Variants in KREMEN1 observed in about 807,000 individuals in gnomAD.
KREMEN1 encodes the protein kringle containing transmembrane protein 1.
Under a neutral mutation model 46.5 loss-of-function variants are expected in KREMEN1, and 30 were observed. The observed-to-expected ratio is 0.65, with a 90% CI of 0.48 to 0.88. The LOEUF (loss-of-function observed/expected upper bound fraction) is 0.88, where lower values mean the gene tolerates loss of function less well. KREMEN1 is among the 40% of genes least tolerant of loss of function. The pLI, the probability that KREMEN1 is intolerant of heterozygous loss-of-function variation, is 0.00. For missense variants in KREMEN1, 533 were observed against 596.9 expected (o/e 0.89, Z 1.11); for synonymous variants, 214 against 230.6 (o/e 0.93, Z 0.65).
chr22:29,094,193 C>G, intron 1 of KREMEN1, 65 bp from the exon 2 acceptor site: 1 of 1,408,252 alleles, frequency 7.1e-7, no homozygotes, highest in Non-Finnish European at 9.8e-7. Flanking sequence ...AAACATCAAC[C>G]AAAGAGGGAG....
intron 9 of KREMEN1, among the ~76,000 whole-genome samples, chr22:29,163,438 C>T (rs563516390): frequency 7.2e-5 from 11 of 152,192 alleles, no homozygotes; most frequent in Non-Finnish European, 1.6e-4. Flanking sequence ...AGTGCAGTGG[C>T]GCGAACTCGG....
intron 9 of KREMEN1, among the ~76,000 whole-genome samples, chr22:29,160,067 G>A (rs1409269453): frequency 2.6e-5 from 4 of 151,970 alleles, no homozygotes; most frequent in Non-Finnish European, 4.4e-5. Context: ...AGACATCTAT[G>A]GAAAACTCCA....
chr22:29,165,606 G>C (rs1343986147), intron 9 of KREMEN1, among the ~76,000 whole-genome samples: 1 of 152,182 alleles, frequency 6.6e-6, no homozygotes, highest in Non-Finnish European at 1.5e-5. Flanking sequence ...CAACAGGCTA[G>C]TAATAATTTT....
chr22:29,115,536 C>G (rs1210043626), intron 3 of KREMEN1, among the ~76,000 whole-genome samples: 1 of 152,180 alleles, frequency 6.6e-6, no homozygotes, highest in Non-Finnish European at 1.5e-5. Flanking sequence ...CCTAGAGCAC[C>G]TGCTTTGTGA....
chr22:29,144,145 G>A lies in KREMEN1; in HGVS notation c.*2033G>A, dbSNP rs2038815510. On this transcript the variant is annotated 3_prime_UTR_variant, in exon 9 of 9. Transcript: ENST00000400335. ...AGGCACTTGGGCCTGGGTGATTGTT[G>A]CGCCTCTGGCTTTGGCGTTTCCTCT... 1.2e-5 allele frequency: 12 copies of A among 985,458 alleles called. No individual in the cohort carries two copies. The highest frequency in any genetic ancestry group is 3.5e-5 in the African/African-American group (2 of 57,262). The allele number at this position is 985,458 out of a possible 1,614,324, so 61.0% of individuals were successfully genotyped here. A position where few individuals can be genotyped will look rare whatever the true frequency, so the allele number is the denominator to read the frequency against.
In KREMEN1 at chr22:29,073,140, C is replaced by A. The variant is rs2037496634; in HGVS notation, c.10C>A (p.Pro4Thr). Residue 4 changes from proline (P) to threonine (T), a missense_variant, in exon 1 of 9, where the codon CCA (proline) becomes ACA (threonine). Transcript: ENST00000400335. The surrounding 1 kb of genome is among the most constrained non-coding windows in gnomAD (Gnocchi z 4.4). ...CCCGCACTGACGGCCCATGGCGCCG[C>A]CAGCCGCCCGCCTCGCCCTGCTCTC... MAP[P>T]AARLALLSAA... 9.2e-7 allele frequency: 1 copy of A among 1,089,780 alleles called. No individual in the cohort carries two copies. The highest frequency in any genetic ancestry group is 1.1e-6 in the Non-Finnish European group (1 of 900,416). 67.5% of individuals were successfully genotyped at this position (1,089,780 alleles called of 1,614,324 possible). A position where few individuals can be genotyped will look rare whatever the true frequency, so the allele number is the denominator to read the frequency against.
chr22:29,159,301 T>G (rs1045318316), intron 9 of KREMEN1, among the ~76,000 whole-genome samples: 4 of 151,844 alleles, frequency 2.6e-5, no homozygotes, highest in Admixed American at 6.6e-5. Context: ...TGTTCTCAGG[T>G]GTAAACATTC....
chr22:29,114,486 CAAAAA>C (rs134685), intron 3 of KREMEN1, among the ~76,000 whole-genome samples: 2 of 88,052 alleles, frequency 2.3e-5, no homozygotes, highest in African/African-American at 4.9e-5. Flanking sequence ...AACTCCGTGT[CAAAAA>C]AAAAAAAAAA....
chr22:29,112,912 C>T (rs540494841), intron 3 of KREMEN1, among the ~76,000 whole-genome samples: 169 of 150,848 alleles, frequency 1.1e-3, no homozygotes, highest in Non-Finnish European at 6.2e-4. Flanking sequence ...GTGTCTTCTC[C>T]GACTAGACTT....
intron 3 of KREMEN1, among the ~76,000 whole-genome samples, chr22:29,110,315 A>G (rs1284309097): frequency 6.6e-6 from 1 of 152,236 alleles, no homozygotes; most frequent in Non-Finnish European, 1.5e-5. Flanking sequence ...GAAGCAGCAG[A>G]AGCTGCCATT....
chr22:29,167,684 G>A (rs530017400), exon 10 of KREMEN1: 2 of 152,322 alleles, frequency 1.3e-5, no homozygotes, highest in African/African-American at 4.8e-5. Context: ...GTCACCCAGA[G>A]ACCTCAAAAG....
chr22:29,079,534 G>T (rs2037622925), intron 1 of KREMEN1, among the ~76,000 whole-genome samples: 1 of 152,258 alleles, frequency 6.6e-6, no homozygotes, highest in Non-Finnish European at 1.5e-5. Context: ...GGAGGCTGCA[G>T]CTGCTTCCAA....
downstream of KREMEN1, among the ~76,000 whole-genome samples, chr22:29,150,942 A>G (rs2038910170): frequency 6.6e-6 from 1 of 152,172 alleles, no homozygotes; most frequent in South Asian, 2.1e-4. Context: ...ACTGGCTCCA[A>G]AGCTGGGGGT....
chr22:29,083,536 A>G (rs1269501125), intron 1 of KREMEN1, among the ~76,000 whole-genome samples: 3 of 152,230 alleles, frequency 2.0e-5, no homozygotes, highest in African/African-American at 4.8e-5. Flanking sequence ...ATCTTGCATA[A>G]GAAAGAATTC....
chr22:29,076,943 A>G (rs988750270), intron 1 of KREMEN1, among the ~76,000 whole-genome samples: 1 of 152,242 alleles, frequency 6.6e-6, no homozygotes, highest in Non-Finnish European at 1.5e-5. Flanking sequence ...TAGGCTCACT[A>G]CTCATAAACA....
rs914667989 is a variant in KREMEN1, at chr22:29,162,527, G to A, written c.1417-4517G>A. Reference sequence around the variant, plus strand: ...AGGTCAGGAGTTCAAGACCAGCCTGGCCAACATGGTGAAACCCCGTTTCCA... The same window carrying A: ...AGGTCAGGAGTTCAAGACCAGCCTGACCAACATGGTGAAACCCCGTTTCCA... On this transcript the variant is annotated intron_variant, in intron 9 of 9. Transcript: ENST00000327813. Among the ~76,000 whole-genome samples the A allele has an allele frequency of 1.3e-5, 2 of 152,124 alleles. 1 individual carries two copies. The highest frequency in any genetic ancestry group is 2.9e-5 in the Non-Finnish European group (2 of 68,028).
rs990094851 is a variant in KREMEN1 at position 29,167,176 on chromosome 22, T to C, written c.*70T>C. 1.2e-5 allele frequency: 15 copies of C among 1,209,948 alleles called. No homozygotes were observed. The African/African-American group carries it at 2.1e-4, about 17-fold the overall frequency. 75.0% of individuals were successfully genotyped at this position (1,209,948 alleles called of 1,614,324 possible). ...TCAGAGGGCAGAGGGGACACCTTCA[T>C]TGCCTCTCCTCGCACAGAAATGGTG... On this transcript the variant is annotated 3_prime_UTR_variant, in exon 10 of 10. Transcript: ENST00000327813.
downstream of KREMEN1, among the ~76,000 whole-genome samples, chr22:29,148,333 G>T (rs549851941): frequency 6.6e-6 from 1 of 152,288 alleles, no homozygotes; most frequent in East Asian, 1.9e-4. Flanking sequence ...GGCTATGGGG[G>T]ACAGCGTCCT....
chr22:29,167,403 C>A, exon 10 of KREMEN1: 2 of 394,378 alleles, frequency 5.1e-6, no homozygotes, highest in Non-Finnish European at 9.5e-6. Flanking sequence ...TCCGCACAGC[C>A]GGTCAGAACT....
Sources: allele counts gnomAD v4.1 joint callset (sites outside exome capture counted in the v4.1 genomes callset), GRCh38; gene constraint gnomAD v4.1.1; non-coding constraint Gnocchi (gnomAD v3.1); transcripts MANE v1.5; gene names NCBI Gene and HGNC (gene_info 2026-07-23, HGNC 2026-07-21).